Variants in TTC12 observed in about 807,000 individuals in gnomAD.
The protein encoded by TTC12 is tetratricopeptide repeat protein 12.
A neutral mutation model predicts 90.1 loss-of-function variants in TTC12; 70 were observed. The observed-to-expected ratio is 0.78, with a 90% CI of 0.64 to 0.95. The LOEUF is 0.95. Ranked by LOEUF, TTC12 falls within the 40% of genes least tolerant of loss-of-function variation. The probability of loss-of-function intolerance (pLI) is 0.00; values close to 1 mark genes in which losing one functional copy is unlikely to be tolerated. For missense variants in TTC12, 819 were observed against 846.1 expected (o/e 0.97, Z 0.40); for synonymous variants, 296 against 311.5 (o/e 0.95, Z 0.53).
chr11:113,348,760 A>G (rs1173216786), intron 13 of TTC12, among the ~76,000 whole-genome samples: 2 of 152,102 alleles, frequency 1.3e-5, no homozygotes, highest in African/African-American at 4.8e-5. Flanking sequence ...TGTCCCAGAG[A>G]CCCCCACCAC....
intron 16 of TTC12, among the ~76,000 whole-genome samples, chr11:113,355,769 A>G (rs1949600148): frequency 6.6e-6 from 1 of 152,146 alleles, no homozygotes; most frequent in South Asian, 2.1e-4. Context: ...CCATTTAATT[A>G]TATAGTTTTG....
intron 12 of TTC12, among the ~76,000 whole-genome samples, chr11:113,342,520 GA>G (rs1356308807): frequency 2.0e-5 from 3 of 152,038 alleles, no homozygotes; most frequent in Non-Finnish European, 4.4e-5. Flanking sequence ...TGTTTCATAG[GA>G]AAAAGTTTGA....
intron 13 of TTC12, among the ~76,000 whole-genome samples, chr11:113,345,981 C>T (rs548275905): frequency 6.6e-6 from 1 of 152,238 alleles, no homozygotes; most frequent in African/African-American, 2.4e-5. Flanking sequence ...GCCCACTAGC[C>T]TCCTTAACGT....
intron 2 of TTC12, among the ~76,000 whole-genome samples, chr11:113,320,972 G>A (rs2137915815): frequency 6.6e-6 from 1 of 152,012 alleles, no homozygotes; most frequent in East Asian, 1.9e-4. Flanking sequence ...GAGCCCAGGG[G>A]TTCAAATCGA....
chr11:113,351,125 C>A, intron 14 of TTC12, 114 bp from the exon 15 acceptor site: 1 of 920,716 alleles, frequency 1.1e-6, no homozygotes, highest in Non-Finnish European at 1.7e-6. Context: ...ATTGTCCATG[C>A]ACACTCTAAA....
chr11:113,325,880 A>G (rs1157338259), intron 6 of TTC12, among the ~76,000 whole-genome samples: 1 of 152,210 alleles, frequency 6.6e-6, no homozygotes, highest in Non-Finnish European at 1.5e-5. Flanking sequence ...AGAGCTGTCC[A>G]TTATCAGCTC....
intron 8 of TTC12, 46 bp from the exon 9 acceptor site, chr11:113,338,728 C>G (rs782066644): frequency 6.7e-7 from 1 of 1,498,964 alleles, no homozygotes. Context: ...TTCTCATAAT[C>G]ACCTTTACCC....
At chr11:113,315,042 G>C (rs1946840689) in intron 1 of TTC12, 1 of 152,392 alleles carries the variant, frequency 6.6e-6, no homozygotes, top group African/African-American at 2.4e-5. Context: ...GTTGTCTCCT[G>C]TCCATGCACC....
At chr11:113,321,879 T>C (rs1555138676) in intron 2 of TTC12, among the ~76,000 whole-genome samples, 1 of 152,198 alleles carries the variant, frequency 6.6e-6, no homozygotes, top group South Asian at 2.1e-4. Context: ...CAGTTGACCA[T>C]GGATATATGT....
intron 1 of TTC12, 194 bp from the exon 2 acceptor site, chr11:113,316,049 C>T (rs2137896773): frequency 2.6e-6 from 1 of 382,454 alleles, no homozygotes; most frequent in Non-Finnish European, 4.7e-6. Context: ...GAAGCATTGC[C>T]GCACGTAAAT....
At chr11:113,344,821 CTTA>C (rs1345432177) in intron 13 of TTC12, among the ~76,000 whole-genome samples, 1 of 152,194 alleles carries the variant, frequency 6.6e-6, no homozygotes, top group East Asian at 1.9e-4. Flanking sequence ...GTAATCCTGT[CTTA>C]TTCTACGTGT....
At chr11:113,371,884 G>T (rs1043848952) in intron 21 of TTC12, among the ~76,000 whole-genome samples, 1 of 152,200 alleles carries the variant, frequency 6.6e-6, no homozygotes, top group Non-Finnish European at 1.5e-5. Context: ...TAAATGAGAT[G>T]ATTTCTATAA....
At chr11:113,371,234 C>T (rs59290569), downstream of TTC12, among the ~76,000 whole-genome samples, 7,410 of 152,216 alleles carry the variant, frequency 0.049, 617 homozygotes, top group African/African-American at 0.17. Flanking sequence ...CTCAGGTCCC[C>T]TATATGAAAT....
At chr11:113,373,095 C>T (rs552599407) in intron 21 of TTC12, 44 of 571,356 alleles carry the variant, frequency 7.7e-5, no homozygotes, top group Admixed American at 1.3e-4. Flanking sequence ...TCTAATGAAA[C>T]GGGTTCTATC....
downstream of TTC12, among the ~76,000 whole-genome samples, chr11:113,367,019 T>G (rs1322179319): frequency 6.6e-6 from 1 of 152,152 alleles, no homozygotes; most frequent in Non-Finnish European, 1.5e-5. Context: ...CTGATGCAAA[T>G]GTGTTGATTT....
At chr11:113,321,863 G>A (rs1313781215) in intron 2 of TTC12, among the ~76,000 whole-genome samples, 1 of 152,232 alleles carries the variant, frequency 6.6e-6, no homozygotes, top group African/African-American at 2.4e-5. Context: ...CCACTTAGAT[G>A]ACTGACAGTT....
intron 18 of TTC12, among the ~76,000 whole-genome samples, chr11:113,361,588 G>A (rs1209163721): frequency 6.6e-6 from 1 of 152,184 alleles, no homozygotes; most frequent in Admixed American, 6.5e-5. Flanking sequence ...CTATCCTCCA[G>A]GCATAAAATC....
In TTC12 at chr11:113,358,612, A is replaced by G. The variant is rs560929907; in HGVS notation, c.1447-751A>G. Among the ~76,000 whole-genome samples, 143 of 152,264 alleles carry G rather than the reference A, an allele frequency of 9.4e-4. 5 individuals carry two copies. The South Asian group carries it at 0.029, about 31-fold the overall frequency. On this transcript the variant is annotated intron_variant, in intron 16 of 21. Transcript: ENST00000529221. ...CCCGAGGGCTAAAGTCTCCTGTGGG[A>G]GCAAGTTGAGCCTAGTGGGGATGGC... is the stretch of plus-strand genomic sequence containing the variant.
At chr11:113,363,781 C>T in intron 19 of TTC12, 47 bp from the exon 20 acceptor site, 1 of 1,322,992 alleles carries the variant, frequency 7.6e-7, no homozygotes, top group South Asian at 1.2e-5. Flanking sequence ...TGGTCAAGAG[C>T]AATCATAGCA....
Sources: allele counts gnomAD v4.1 joint callset (sites outside exome capture counted in the v4.1 genomes callset), GRCh38; gene constraint gnomAD v4.1.1; transcripts MANE v1.5; gene names NCBI Gene and HGNC (gene_info 2026-07-23, HGNC 2026-07-21).